KANSL1: variants seen among roughly 807,000 people sequenced by gnomAD.
The protein encoded by KANSL1 is KAT8 regulatory NSL complex subunit 1.
Under a neutral mutation model 103.6 loss-of-function variants are expected in KANSL1, and 22 were observed. The ratio of observed to expected loss-of-function variants is 0.21; its 90% CI spans 0.15 to 0.30. The LOEUF (loss-of-function observed/expected upper bound fraction) is 0.30. KANSL1 is among the 10% of genes least tolerant of loss of function. The probability of loss-of-function intolerance (pLI) is 1.00; values close to 1 mark genes in which losing one functional copy is unlikely to be tolerated. For missense variants in KANSL1, 1,337 were observed against 1,399.8 expected (o/e 0.96, Z 0.72); for synonymous variants, 600 against 527.6 (o/e 1.14, Z -1.88).
At chr17:46,176,157 G>GT (rs2046509819) in intron 1 of KANSL1, among the ~76,000 whole-genome samples, 1 of 152,212 alleles carries the variant, frequency 6.6e-6, no homozygotes. Flanking sequence ...CAGCACTACA[G>GT]TAAGACTTAG....
intron 2 of KANSL1, among the ~76,000 whole-genome samples, chr17:46,103,740 T>A (rs1416876424): frequency 6.6e-6 from 1 of 152,164 alleles, no homozygotes; most frequent in Non-Finnish European, 1.5e-5. Context: ...ATTTGACACC[T>A]CTAGGCTGGC....
At chr17:46,211,939 A>T (rs1317749151) in intron 1 of KANSL1, among the ~76,000 whole-genome samples, 1 of 152,256 alleles carries the variant, frequency 6.6e-6, no homozygotes, top group East Asian at 1.9e-4. Context: ...TCTGAGGTTA[A>T]CATCTTAACA....
chr17:46,179,335 A>T (rs777053519), intron 1 of KANSL1, among the ~76,000 whole-genome samples: 1 of 152,232 alleles, frequency 6.6e-6, no homozygotes. Context: ...ATTCCCAGTC[A>T]ATTTCCAAGA....
chr17:46,032,539 T>C (rs1197486301), intron 13 of KANSL1: 1 of 429,112 alleles, frequency 2.3e-6, no homozygotes. Flanking sequence ...GCAAAGTGCC[T>C]AGTGAATTCA....
chr17:46,173,467 T>A (rs1033654543), intron 1 of KANSL1, among the ~76,000 whole-genome samples: 1 of 152,230 alleles, frequency 6.6e-6, no homozygotes, highest in Non-Finnish European at 1.5e-5. Flanking sequence ...CCTTGATCTA[T>A]GTGGTCTGGG....
intron 11 of KANSL1, among the ~76,000 whole-genome samples, 179 bp downstream of exon 11, chr17:46,033,982 C>G (rs532478859): frequency 2.0e-5 from 3 of 152,260 alleles, no homozygotes; most frequent in South Asian, 4.1e-4. Flanking sequence ...TGGTGTATTC[C>G]TATAATGGAA....
chr17:46,177,715 A>C (rs994943583), intron 1 of KANSL1, among the ~76,000 whole-genome samples: 22 of 152,258 alleles, frequency 1.4e-4, no homozygotes, highest in African/African-American at 5.3e-4. Context: ...GGAGAGAAAC[A>C]AAAAGAAAAC....
chr17:46,208,869 C>A (rs2048066230), intron 1 of KANSL1, among the ~76,000 whole-genome samples: 1 of 148,632 alleles, frequency 6.7e-6, no homozygotes, highest in South Asian at 2.1e-4. Context: ...AAAAAAAAAA[C>A]CTTACAACAA....
intron 4 of KANSL1, among the ~76,000 whole-genome samples, chr17:46,077,711 C>CCA (rs2078834731): frequency 6.6e-6 from 1 of 152,098 alleles, no homozygotes; most frequent in Admixed American, 6.5e-5. Context: ...GTGTCTGCCA[C>CCA]CACGCTTGGA....
intron 2 of KANSL1, among the ~76,000 whole-genome samples, chr17:46,160,243 AT>A (rs2045660488): frequency 6.6e-6 from 1 of 152,232 alleles, no homozygotes; most frequent in African/African-American, 2.4e-5. Context: ...TTTAAAAAAA[AT>A]AACTTCAACC....
chr17:46,049,839 C>A (rs544820271), intron 7 of KANSL1: 7 of 152,322 alleles, frequency 4.6e-5, no homozygotes, highest in African/African-American at 1.7e-4. Context: ...GTCGCGTTAC[C>A]ACATAAATGC....
Position 46,050,537 on chromosome 17 carries a change from T to C in KANSL1, c.2016A>G (p.Pro672=). The C allele has an allele frequency of 6.2e-7, 1 of 1,613,958 alleles. No individual in the cohort carries two copies. The highest frequency in any genetic ancestry group is 8.5e-7 in the Non-Finnish European group (1 of 1,179,862). ...DSCVHPVLAF[P]DDVPTSLHFQ... is the part of the protein sequence containing the mutation. ...CTAGTCTGTGGTCTTTCTTACCATC[T>C]GGAAATGCTAGAACAGGATGAACAC... Residue 672 remains proline, a synonymous_variant, in exon 7 of 15, where the codon CCA becomes CCG. Coordinates refer to ENST00000432791, the MANE Select transcript of KANSL1 (RefSeq NM_015443.4).
intron 6 of KANSL1, among the ~76,000 whole-genome samples, chr17:46,056,330 T>C (rs1431976114): frequency 1.3e-5 from 2 of 152,044 alleles, no homozygotes; most frequent in African/African-American, 4.8e-5. Context: ...AAAACAAATA[T>C]TATACTCAAA....
At chr17:46,039,486 T>C (rs2077250000) in intron 8 of KANSL1, 1 of 619,754 alleles carries the variant, frequency 1.6e-6, no homozygotes, top group Non-Finnish European at 2.7e-6. Flanking sequence ...ACTGAGCATT[T>C]TGGGTCTTGC....
intron 6 of KANSL1, among the ~76,000 whole-genome samples, chr17:46,055,782 G>C (rs1456535944): frequency 6.6e-6 from 1 of 151,902 alleles, no homozygotes; most frequent in Non-Finnish European, 1.5e-5. Context: ...CCTCGGTTAA[G>C]AAACAGAAAA....
At chr17:46,105,989 G>A (rs1399121328) in intron 2 of KANSL1, among the ~76,000 whole-genome samples, 7 of 151,560 alleles carry the variant, frequency 4.6e-5, no homozygotes, top group Non-Finnish European at 8.8e-5. Context: ...ACAGTGTATT[G>A]AGGCAGGGTC....
intron 1 of KANSL1, among the ~76,000 whole-genome samples, chr17:46,187,132 G>C (rs577122691): frequency 9.8e-5 from 15 of 152,324 alleles, no homozygotes; most frequent in South Asian, 4.1e-4. Context: ...CTCTGGTGGA[G>C]GTGCTAACAA....
At chr17:46,102,668 A>G (rs938790617) in intron 2 of KANSL1, among the ~76,000 whole-genome samples, 1 of 152,194 alleles carries the variant, frequency 6.6e-6, no homozygotes, top group African/African-American at 2.4e-5. Flanking sequence ...AAATTTGTGT[A>G]GTTTTGGTAG....
intron 2 of KANSL1, among the ~76,000 whole-genome samples, chr17:46,110,565 A>T (rs2042759828): frequency 6.6e-6 from 1 of 152,236 alleles, no homozygotes; most frequent in Non-Finnish European, 1.5e-5. Flanking sequence ...GAATATACAA[A>T]TTTACAAGTA....
Sources: gnomAD v4.1 joint callset for allele counts (sites outside exome capture counted in the v4.1 genomes callset) on GRCh38, gnomAD v4.1.1 for gene constraint, MANE v1.5 for transcripts, NCBI Gene and HGNC (gene_info 2026-07-23, HGNC 2026-07-21) for gene names.